NBAS: variants seen among roughly 807,000 people sequenced by gnomAD.
NBAS encodes the protein NBAS subunit of NRZ tethering complex, also known as NAG/BC035112 fusion.
NBAS carries 219 observed loss-of-function variants against 302.5 expected under a neutral mutation model. The observed-to-expected ratio is 0.72, with a 90% CI of 0.65 to 0.81. The LOEUF is 0.81. Ranked by LOEUF, NBAS falls within the 30% of genes least tolerant of loss-of-function variation. The pLI, the probability that NBAS is intolerant of heterozygous loss-of-function variation, is 0.00. For synonymous variants in NBAS, 1,118 were observed against 1,021.6 expected, an observed-to-expected ratio of 1.09 and a Z score of -1.80; for missense variants, 2,932 against 2,841.6, an observed-to-expected ratio of 1.03 and a Z score of -0.72.
intron 45 of NBAS, among the ~76,000 whole-genome samples, chr2:15,236,608 T>C: frequency 6.7e-6 from 1 of 150,194 alleles, no homozygotes; most frequent in Non-Finnish European, 1.5e-5. Context: ...TTTAATATAG[T>C]ATATTAAAAA....
At chr2:14,862,952 T>C in the NBAS span, among the ~76,000 whole-genome samples, 1 of 152,156 alleles carries the variant, frequency 6.6e-6, no homozygotes, top group Non-Finnish European at 1.5e-5. Context: ...AAAAGAAAGC[T>C]ATGGAGAAAG....
intron 26 of NBAS, among the ~76,000 whole-genome samples, chr2:15,397,283 C>G (rs1021187227): frequency 2.0e-5 from 3 of 152,234 alleles, no homozygotes; most frequent in African/African-American, 7.2e-5. Context: ...AACACTGCTG[C>G]TGCCACTCTC....
chr2:15,074,808 T>A, the NBAS span, among the ~76,000 whole-genome samples: 1 of 152,180 alleles, frequency 6.6e-6, no homozygotes, highest in African/African-American at 2.4e-5. Context: ...GAAAGCCAAG[T>A]AATAGATCTC....
At chr2:15,293,846 A>C (rs780994583) in intron 40 of NBAS, among the ~76,000 whole-genome samples, 2 of 152,190 alleles carry the variant, frequency 1.3e-5, no homozygotes, top group African/African-American at 2.4e-5. Flanking sequence ...CTGATAAAAA[A>C]CAGTTAAAGG....
chr2:15,190,336 C>T lies in NBAS; in HGVS notation c.6500G>A (p.Ser2167Asn), dbSNP rs775517074. ...YCLFMELLES[S>N]HHEAEFQHLV... ...GTGCTGAAATTCAGCCTCGTGGTGA[C>T]TAGATTCCAGGAGTTCCATGAATAG... The change falls in exon 49 of 52, where the codon AGT becomes AAT. Residue 2167 changes from serine to asparagine, a missense_variant. Physicochemically the swap from Ser to Asn is conservative, Grantham distance 46. Transcript: ENST00000281513. The T allele has an allele frequency of 6.2e-7, 1 of 1,613,996 alleles. No homozygotes were observed. Among genetic ancestry groups the T allele is most frequent in the South Asian group, 1.1e-5 (1 of 91,078 alleles).
At chr2:14,858,771 A>C in the NBAS span, among the ~76,000 whole-genome samples, 4 of 152,050 alleles carry the variant, frequency 2.6e-5, no homozygotes, top group Admixed American at 6.5e-5. Flanking sequence ...CAACAGGGTA[A>C]CTATAGTCAA....
At chr2:14,835,119 A>G in the NBAS span, among the ~76,000 whole-genome samples, 2 of 152,058 alleles carry the variant, frequency 1.3e-5, no homozygotes, top group Non-Finnish European at 2.9e-5. Context: ...CAAGTCAATG[A>G]TGGTAGCACT....
intron 21 of NBAS, among the ~76,000 whole-genome samples, chr2:15,445,121 G>A (rs1678655622): frequency 6.6e-6 from 1 of 151,612 alleles, no homozygotes; most frequent in South Asian, 2.1e-4. Flanking sequence ...TCTAGAACTA[G>A]AAATACCATT....
chr2:15,160,910 G>C, the NBAS span, among the ~76,000 whole-genome samples: 2 of 152,142 alleles, frequency 1.3e-5, no homozygotes, highest in East Asian at 1.9e-4. Flanking sequence ...AACATGAAAG[G>C]GTTCAGAGAA....
At chr2:15,501,429 CAG>C (rs1404526428) in intron 11 of NBAS, among the ~76,000 whole-genome samples, 1 of 152,022 alleles carries the variant, frequency 6.6e-6, no homozygotes, top group African/African-American at 2.4e-5. Context: ...AAGAAATTAA[CAG>C]AGATAACAGC....
chr2:15,280,610 C>A (rs189683055), intron 42 of NBAS, among the ~76,000 whole-genome samples: 1 of 152,180 alleles, frequency 6.6e-6, no homozygotes, highest in East Asian at 1.9e-4. Context: ...TTGAGTCTTT[C>A]AAGTTCGGCT....
intron 6 of NBAS, among the ~76,000 whole-genome samples, chr2:15,544,727 A>G (rs896621410): frequency 6.6e-6 from 1 of 152,230 alleles, no homozygotes; most frequent in Non-Finnish European, 1.5e-5. Flanking sequence ...TAAAGAGCTG[A>G]AAGAGCCAGG....
At chr2:15,452,446 G>A (rs893751850) in intron 21 of NBAS, among the ~76,000 whole-genome samples, 2 of 65,496 alleles carry the variant, frequency 3.1e-5, no homozygotes, top group African/African-American at 7.8e-5. Context: ...AAATTAGTCG[G>A]GCGTGGTGGC....
At chr2:15,105,236 T>A in the NBAS span, among the ~76,000 whole-genome samples, 1 of 151,904 alleles carries the variant, frequency 6.6e-6, no homozygotes, top group Non-Finnish European at 1.5e-5. Flanking sequence ...GGGAGGGGAC[T>A]ATCAAACACC....
chr2:15,457,062 A>T (rs1254839747), intron 21 of NBAS, among the ~76,000 whole-genome samples: 2 of 152,154 alleles, frequency 1.3e-5, no homozygotes, highest in Non-Finnish European at 2.9e-5. Flanking sequence ...ACACTAAATT[A>T]AAAAGACCCA....
chr2:15,218,626 G>A, intron 48 of NBAS, 147 bp downstream of exon 48: 2 of 958,502 alleles, frequency 2.1e-6, no homozygotes, highest in South Asian at 2.8e-5. Context: ...TTGTCATGTT[G>A]GCCAGGTGCC....
At chr2:15,016,355 T>C in the NBAS span, among the ~76,000 whole-genome samples, 37 of 152,160 alleles carry the variant, frequency 2.4e-4, no homozygotes, top group African/African-American at 8.4e-4. Context: ...GTGGGAATTA[T>C]GGGAGCTACA....
At chr2:14,786,494 TG>T in the NBAS span, among the ~76,000 whole-genome samples, 11 of 152,310 alleles carry the variant, frequency 7.2e-5, no homozygotes, top group African/African-American at 2.6e-4. Flanking sequence ...CTGCTTTGAA[TG>T]TGTCCCAGAG....
rs70961409 is a variant in NBAS, at chr2:15,338,674, TACACAC to T, written c.4180-7915_4180-7910del. Among the ~76,000 whole-genome samples the T allele has an allele frequency of 8.0e-3, 1,084 of 134,838 alleles. 6 individuals carry two copies. The highest frequency in any genetic ancestry group is 0.013 in the African/African-American group (486 of 36,808). The allele number at this position is 134,838 out of a possible 152,430, so 88.5% of individuals were successfully genotyped here. ...ACTCACATGAATACAAACACACACATACACACACACACACACACACACACACACACA... is the reference window on the plus strand; with the variant it reads ...ACTCACATGAATACAAACACACACATACACACACACACACACACACACACA... On this transcript the variant is annotated intron_variant, in intron 35 of 51. Coordinates refer to ENST00000281513, the MANE Select transcript of NBAS (RefSeq NM_015909.4).
Sources: allele counts gnomAD v4.1 joint callset (sites outside exome capture counted in the v4.1 genomes callset), GRCh38; gene constraint gnomAD v4.1.1; transcripts MANE v1.5; gene names NCBI Gene and HGNC (gene_info 2026-07-23, HGNC 2026-07-21).